RBFOX1: variants seen among roughly 807,000 people sequenced by gnomAD.
RBFOX1 encodes the protein RNA binding fox-1 homolog 1, also known as RNA binding protein fox-1 homolog 1.
Under a neutral mutation model 57.7 loss-of-function variants are expected in RBFOX1, and 8 were observed. The ratio of observed to expected loss-of-function variants is 0.14; its 90% CI spans 0.08 to 0.25. The LOEUF (loss-of-function observed/expected upper bound fraction) is 0.25. Among genes scored for constraint, RBFOX1 ranks in the 10% least tolerant of loss-of-function variants. The probability of loss-of-function intolerance (pLI) is 1.00; values close to 1 mark genes in which losing one functional copy is unlikely to be tolerated. For synonymous variants in RBFOX1, 326 were observed against 222.4 expected, an observed-to-expected ratio of 1.47 and a Z score of -4.15; for missense variants, 611 against 548.5, an observed-to-expected ratio of 1.11 and a Z score of -1.14.
At chr16:6,621,785 T>C (rs1171908565) in intron 2 of RBFOX1, among the ~76,000 whole-genome samples, 1 of 152,194 alleles carries the variant, frequency 6.6e-6, no homozygotes, top group African/African-American at 2.4e-5. Context: ...GAAGGACATG[T>C]GGCAACCCCA....
chr16:7,683,412 TATA>T lies in RBFOX1; in HGVS notation c.995+6577_995+6579del, dbSNP rs572662402. Among the ~76,000 whole-genome samples, 1,031 of 152,088 alleles carry T rather than the reference TATA, an allele frequency of 6.8e-3. 6 individuals carry two copies. Among genetic ancestry groups the T allele is most frequent in the Non-Finnish European group, 0.012 (787 of 67,956 alleles). On this transcript the variant is annotated intron_variant, in intron 14 of 15. Coordinates refer to ENST00000550418, the MANE Select transcript of RBFOX1 (RefSeq NM_018723.4). ...AACTAATTGCCTTTGGTCCATAATC[TATA>T]ATGGCTTCATAACAACTGTTATGCA...
intron 2 of RBFOX1, among the ~76,000 whole-genome samples, chr16:5,514,972 T>C (rs535334786): frequency 2.0e-5 from 3 of 152,170 alleles, no homozygotes; most frequent in African/African-American, 7.2e-5. Context: ...CAGGGAGCTT[T>C]TACTCATGGT....
At chr16:7,671,534 A>T (rs560313429) in intron 13 of RBFOX1, 7 of 1,591,930 alleles carry the variant, frequency 4.4e-6, no homozygotes, top group Non-Finnish European at 6.0e-6. Flanking sequence ...CATTGAAAAC[A>T]TTACATTTCT....
intron 4 of RBFOX1, among the ~76,000 whole-genome samples, chr16:7,466,930 G>T (rs903796986): frequency 1.3e-5 from 2 of 152,152 alleles, no homozygotes; most frequent in African/African-American, 4.8e-5. Flanking sequence ...CCACAGGAGA[G>T]ACTGATTTAA....
chr16:6,040,819 C>G (rs56076523), intron 1 of RBFOX1, among the ~76,000 whole-genome samples: 1 of 152,090 alleles, frequency 6.6e-6, no homozygotes, highest in Non-Finnish European at 1.5e-5. Context: ...GTCTCAAACT[C>G]CTGACCTCAA....
chr16:5,416,213 T>C (rs889371923), intron 1 of RBFOX1, among the ~76,000 whole-genome samples: 6 of 152,194 alleles, frequency 3.9e-5, no homozygotes, highest in Admixed American at 3.9e-4. Context: ...ATTTTACAGA[T>C]GAGGACATTG....
chr16:5,409,630 A>G (rs1006464684), intron 1 of RBFOX1, among the ~76,000 whole-genome samples: 1 of 152,174 alleles, frequency 6.6e-6, no homozygotes, highest in East Asian at 1.9e-4. Flanking sequence ...TGTGAACCAA[A>G]CTGGCCAGGC....
intron 2 of RBFOX1, among the ~76,000 whole-genome samples, chr16:6,616,344 C>T (rs567419369): frequency 6.6e-6 from 1 of 151,832 alleles, no homozygotes; most frequent in African/African-American, 2.4e-5. Context: ...CCCAACCGTG[C>T]CCAGTGATAG....
intron 1 of RBFOX1, among the ~76,000 whole-genome samples, chr16:6,303,873 G>A (rs1005148662): frequency 2.1e-5 from 3 of 141,686 alleles, no homozygotes; most frequent in South Asian, 2.3e-4. Flanking sequence ...GTGCAATGGC[G>A]CTATCTCAGC....
At position 6,596,909 on chromosome 16, in the gene RBFOX1, A is replaced by G. The variant is rs192805235; in HGVS notation, c.-63-57694A>G. 7.2e-5 allele frequency among the ~76,000 whole-genome samples: 11 copies of G among 152,326 alleles called. No homozygotes were observed. The East Asian group carries it at 1.9e-3, about 27-fold the overall frequency. ...ATGTAAATATACACACCCTTGATAC[A>G]TTCATACACACACACAGCATTAAGT... On this transcript the variant is annotated intron_variant, in intron 2 of 15. Coordinates refer to ENST00000550418, the MANE Select transcript of RBFOX1 (RefSeq NM_018723.4).
intron 2 of RBFOX1, among the ~76,000 whole-genome samples, chr16:6,340,973 G>A (rs2084481719): frequency 6.6e-6 from 1 of 152,130 alleles, no homozygotes; most frequent in Non-Finnish European, 1.5e-5. Context: ...GGGAAGGGGT[G>A]GACAGAGAGT....
chr16:6,750,455 C>G (rs1303274385), intron 3 of RBFOX1, among the ~76,000 whole-genome samples: 1 of 152,198 alleles, frequency 6.6e-6, no homozygotes, highest in Non-Finnish European at 1.5e-5. Context: ...TCTACCAAAA[C>G]ACCCTTTTTA....
intron 2 of RBFOX1, among the ~76,000 whole-genome samples, chr16:6,647,958 C>T (rs1263419725): frequency 6.6e-6 from 1 of 152,166 alleles, no homozygotes; most frequent in South Asian, 2.1e-4. Context: ...TCTCGTGCGT[C>T]AGCCTCTCTA....
intron 2 of RBFOX1, among the ~76,000 whole-genome samples, chr16:6,320,773 TAA>T (rs35918924): frequency 1.3e-5 from 2 of 151,712 alleles, no homozygotes; most frequent in South Asian, 4.2e-4. Flanking sequence ...AAACTGTTAT[TAA>T]AAAAAAATTT....
chr16:6,609,345 TTTTTA>T (rs2098002517), intron 2 of RBFOX1, among the ~76,000 whole-genome samples: 1 of 152,126 alleles, frequency 6.6e-6, no homozygotes, highest in African/African-American at 2.4e-5. Context: ...TTTTTTCTCT[TTTTTA>T]TTTTTATTTT....
chr16:6,015,428 A>G (rs1286652278), upstream of RBFOX1, among the ~76,000 whole-genome samples: 1 of 152,174 alleles, frequency 6.6e-6, no homozygotes, highest in Non-Finnish European at 1.5e-5. Context: ...CATTATGGTA[A>G]TGGTGCATCT....
intron 2 of RBFOX1, among the ~76,000 whole-genome samples, chr16:5,580,767 C>G (rs1488953646): frequency 2.0e-5 from 3 of 152,168 alleles, no homozygotes; most frequent in South Asian, 4.1e-4. Context: ...TAAAGGCAAA[C>G]TGGTGGGATT....
At chr16:7,400,378 C>T (rs780184226) in intron 4 of RBFOX1, among the ~76,000 whole-genome samples, 1 of 152,190 alleles carries the variant, frequency 6.6e-6, no homozygotes, top group Non-Finnish European at 1.5e-5. Flanking sequence ...GCAACCTCAG[C>T]ACAGGGGCTA....
chr16:7,708,009 A>G (rs2083052512), intron 14 of RBFOX1, among the ~76,000 whole-genome samples: 1 of 152,214 alleles, frequency 6.6e-6, no homozygotes, highest in South Asian at 2.1e-4. Context: ...GTATGGGCAC[A>G]GGATACGGTG....
Sources: gnomAD v4.1 joint callset for allele counts (sites outside exome capture counted in the v4.1 genomes callset) on GRCh38, gnomAD v4.1.1 for gene constraint, MANE v1.5 for transcripts, NCBI Gene and HGNC (gene_info 2026-07-23, HGNC 2026-07-21) for gene names.